USP35: variants seen among roughly 807,000 people sequenced by gnomAD.
The protein encoded by USP35 is ubiquitin carboxyl-terminal hydrolase 35.
USP35 carries 69 observed loss-of-function variants against 83.8 expected under a neutral mutation model. The ratio of observed to expected loss-of-function variants is 0.82; its 90% CI spans 0.68 to 1.01. USP35 has a LOEUF of 1.01. Among genes scored for constraint, USP35 ranks in the 50% least tolerant of loss-of-function variants. USP35 has a pLI of 0.00. For synonymous variants in USP35, 714 were observed against 589.5 expected (o/e 1.21, Z -3.06); for missense variants, 1,503 against 1,362.5 (o/e 1.10, Z -1.62).
At chr11:78,219,501 G>GCTGTC (rs1864311845), downstream of USP35, 1 of 1,250,048 alleles carries the variant, frequency 8.0e-7, no homozygotes. Context: ...ATCTTCCTGA[G>GCTGTC]CTGTCTGAAG....
downstream of USP35, chr11:78,215,448 A>AT (rs749420931): frequency 6.6e-6 from 1 of 152,620 alleles, no homozygotes; most frequent in Non-Finnish European, 1.5e-5. Flanking sequence ...ATATGTTACA[A>AT]TTTAAAAAAA....
At chr11:78,220,461 A>C in the USP35 span, 1 of 1,553,848 alleles carries the variant, frequency 6.4e-7, no homozygotes, top group African/African-American at 1.4e-5. Context: ...CGAGGAGGAA[A>C]AAACTGTGAG....
At chr11:78,194,048 C>T (rs1021064182) in intron 1 of USP35, among the ~76,000 whole-genome samples, 2 of 152,114 alleles carry the variant, frequency 1.3e-5, no homozygotes, top group Admixed American at 6.5e-5. Context: ...GAGCTTGTAG[C>T]AGGTGCCCAG....
rs73507299 is a variant in USP35, at chr11:78,209,776, C to G, written c.1921C>G (p.Arg641Gly). 10,963 of 1,613,776 alleles carry G rather than the reference C, an allele frequency of 6.8e-3. 624 individuals carry two copies. The African/African-American group carries it at 0.13, about 19-fold the overall frequency. The stretch of plus-strand genomic sequence containing the variant: ...ACAGGGGCCAGGCAGGGTGGGTCCT[C>G]GGAGGCAAAGGAAACACTGCATCAC... ...SAQGPGRVGP[R>G]RQRKHCITED... The change falls in exon 10 of 11, where the codon CGG becomes GGG. Residue 641 changes from arginine (R) to glycine (G), a missense_variant. Transcript: ENST00000529308.
chr11:78,211,776 T>G (rs1374467018), intron 10 of USP35, among the ~76,000 whole-genome samples: 2 of 152,238 alleles, frequency 1.3e-5, no homozygotes, highest in African/African-American at 2.4e-5. Context: ...TCATGTCCTT[T>G]GCCCACTTTT....
chr11:78,198,704 G>A, intron 3 of USP35: 2 of 985,404 alleles, frequency 2.0e-6, no homozygotes, highest in African/African-American at 3.5e-5. Context: ...GTGGGTAAGA[G>A]TGTGGGCTCT....
Position 78,213,664 on chromosome 11 carries a change from C to T in USP35, c.2908C>T (p.Arg970Trp), listed in dbSNP as rs369486750. ...TTCCCAGGAGCAGGAGAAGGAGGCC[C>T]GGAGCAGGGCGGCCTACATCTCTGC... Reference protein sequence around the residue: ...LYLQEQEKEARSRAAYISALP... With the variant: ...LYLQEQEKEAWSRAAYISALP... The change falls in exon 11 of 11, where the codon CGG (arginine) becomes TGG (tryptophan). Residue 970 changes from arginine (R) to tryptophan (W), a missense_variant. Arg to Trp is a moderately radical substitution (Grantham distance 101, BLOSUM62 -3). Transcript: ENST00000529308. 28 of 1,496,172 alleles carry T rather than the reference C, an allele frequency of 1.9e-5. No individual in the cohort carries two copies. The highest frequency in any genetic ancestry group is 7.4e-5 in the African/African-American group (5 of 67,936). 92.7% of individuals were successfully genotyped at this position (1,496,172 alleles called of 1,614,324 possible). A position where few individuals can be genotyped will look rare whatever the true frequency, so the allele number is the denominator to read the frequency against.
intron 6 of USP35, among the ~76,000 whole-genome samples, chr11:78,203,025 CACTGAGGAAAA>C (rs1411093234): frequency 5.9e-5 from 9 of 152,088 alleles, no homozygotes; most frequent in Admixed American, 6.5e-5. Context: ...CTGCCCCGGG[CACTGAGGAAAA>C]CCCATGATGA....
rs1178459130 is a variant in USP35 at position 78,214,077 on chromosome 11, GCCTCCCCCTC to G, written c.*266_*275del. The G allele has an allele frequency of 2.7e-6, 1 of 375,952 alleles. No homozygotes were observed. The highest frequency in any genetic ancestry group is 4.9e-5 in the Admixed American group (1 of 20,262). 23.3% of individuals were successfully genotyped at this position (375,952 alleles called of 1,614,324 possible). A position where few individuals can be genotyped will look rare whatever the true frequency, so the allele number is the denominator to read the frequency against. On this transcript the variant is annotated 3_prime_UTR_variant, in exon 11 of 11. Transcript: ENST00000529308. The stretch of plus-strand genomic sequence containing the variant: ...CCGAGATGGGCACACACGGGTCTTT[GCCTCCCCCTC>G]CTTCCCTAGCAGGCTCCCCATGCGG...
chr11:78,210,345 C>T lies in USP35; in HGVS notation c.2490C>T (p.Pro830=). 6.2e-7 allele frequency: 1 copy of T among 1,612,670 alleles called. No individual in the cohort carries two copies. The highest frequency in any genetic ancestry group is 8.5e-7 in the Non-Finnish European group (1 of 1,179,848). Residue 830 remains proline, a synonymous_variant, in exon 10 of 11, where the codon CCC becomes CCT. Coordinates refer to ENST00000529308, the MANE Select transcript of USP35 (RefSeq NM_020798.4). ...AGATCCTGGATGACGTCTCCATCCC[C>T]CTGCTGCTCCGCCTGCCACTGGCTG... ...RRKILDDVSI[P]LLLRLPLAGG...
intron 5 of USP35, among the ~76,000 whole-genome samples, 200 bp from the exon 6 acceptor site, chr11:78,200,450 G>T (rs1229637575): frequency 6.6e-6 from 1 of 152,206 alleles, no homozygotes; most frequent in East Asian, 1.9e-4. Context: ...AGAAACTGAG[G>T]CAGGGTGTCT....
chr11:78,189,597 C>A (rs1232988932), intron 1 of USP35, among the ~76,000 whole-genome samples: 1 of 152,160 alleles, frequency 6.6e-6, no homozygotes, highest in Non-Finnish European at 1.5e-5. Context: ...CCTCTTACGG[C>A]CCTGGCCCTT....
intron 10 of USP35, among the ~76,000 whole-genome samples, 168 bp from the exon 11 acceptor site, chr11:78,213,478 C>CT (rs1268220421): frequency 6.9e-6 from 1 of 145,058 alleles, no homozygotes; most frequent in African/African-American, 2.9e-5. Context: ...CTTTTGAAGT[C>CT]TTTTGAAGGT....
At chr11:78,221,763 TG>T in the USP35 span, 1 of 1,612,918 alleles carries the variant, frequency 6.2e-7, no homozygotes, top group Non-Finnish European at 8.5e-7. Context: ...TGGGAGGAGC[TG>T]GAGTTGAAGG....
chr11:78,219,171 G>C, downstream of USP35: 1 of 1,111,224 alleles, frequency 9.0e-7, no homozygotes, highest in South Asian at 1.4e-5. Context: ...TGGCAGAGTA[G>C]AGAGGAGGTG....
At position 78,209,562 on chromosome 11, in the gene USP35, G is replaced by A; in HGVS notation, c.1707G>A (p.Met569Ile). The A allele has an allele frequency of 1.2e-6, 2 of 1,614,166 alleles. No individual in the cohort carries two copies. Among genetic ancestry groups the A allele is most frequent in the Non-Finnish European group, 1.7e-6 (2 of 1,180,016 alleles). ...PAPSSTSVEK[M>I]FGGKIVTRIC... ...CAAGTTCAACCTCTGTGGAAAAAATGTTTGGAGGCAAGATAGTGACTCGGA... is the reference window on the plus strand; with the variant it reads ...CAAGTTCAACCTCTGTGGAAAAAATATTTGGAGGCAAGATAGTGACTCGGA... Residue 569 changes from methionine (M) to isoleucine (I), a missense_variant, in exon 10 of 11, where the codon ATG becomes ATA. Coordinates refer to ENST00000529308, the MANE Select transcript of USP35 (RefSeq NM_020798.4).
At position 78,199,581 on chromosome 11, in the gene USP35, A is replaced by C. The variant is rs1863271845; in HGVS notation, c.807-14A>C. On this transcript the variant is annotated splice_polypyrimidine_tract_variant and intron_variant, in intron 3 of 10. Coordinates refer to ENST00000529308, the MANE Select transcript of USP35 (RefSeq NM_020798.4). ...TGTCCCTTGTCCCTGTGTCACTGTC[A>C]CTCCCCTCACCAGGATGATTGACTG... The C allele has an allele frequency of 6.2e-7, 1 of 1,613,144 alleles. No individual in the cohort carries two copies. Among genetic ancestry groups the C allele is most frequent in the South Asian group, 1.1e-5 (1 of 91,022 alleles).
chr11:78,191,491 G>A (rs1439868398), intron 1 of USP35, among the ~76,000 whole-genome samples: 1 of 152,178 alleles, frequency 6.6e-6, no homozygotes, highest in East Asian at 1.9e-4. Context: ...TGGGCATTCC[G>A]AGGATCACAG....
At chr11:78,229,281 A>G in the USP35 span, among the ~76,000 whole-genome samples, 3,990 of 152,292 alleles carry the variant, frequency 0.026, 94 homozygotes, top group Admixed American at 0.074. Flanking sequence ...TCAAAGATGT[A>G]GAACACAACC....
Sources: allele counts gnomAD v4.1 joint callset (sites outside exome capture counted in the v4.1 genomes callset), GRCh38; gene constraint gnomAD v4.1.1; transcripts MANE v1.5; gene names NCBI Gene and HGNC (gene_info 2026-07-23, HGNC 2026-07-21).